The following CEP63 variants were observed in gnomAD, a reference collection of about 807,000 sequenced individuals.
CEP63 encodes the protein centrosomal protein 63.
CEP63 carries 84 observed loss-of-function variants against 89.1 expected under a neutral mutation model. The observed-to-expected ratio is 0.94, with a 90% CI of 0.79 to 1.13. CEP63 has a LOEUF of 1.13. Ranked by LOEUF, CEP63 falls within the 50% of genes most tolerant of loss-of-function variation. The pLI is 0.00. For missense variants in CEP63, 838 were observed against 813.3 expected, an observed-to-expected ratio of 1.03 and a Z score of -0.37; for synonymous variants, 267 against 272.5, an observed-to-expected ratio of 0.98 and a Z score of 0.20.
At chr3:134,764,367 C>T in the CEP63 span, among the ~76,000 whole-genome samples, 6 of 152,280 alleles carry the variant, frequency 3.9e-5, no homozygotes, top group African/African-American at 1.4e-4. Flanking sequence ...CAGTTCTTTG[C>T]CTCACAGTGT....
the CEP63 span, among the ~76,000 whole-genome samples, chr3:134,771,317 A>G: frequency 6.6e-6 from 1 of 152,246 alleles, no homozygotes; most frequent in Non-Finnish European, 1.5e-5. Flanking sequence ...AGGGACATGG[A>G]TGAAGCTAGA....
At position 134,550,093 on chromosome 3, in the gene CEP63, A is replaced by C. The variant is rs765028780; in HGVS notation, c.1213A>C (p.Ser405Arg). 4 of 1,614,012 alleles carry C rather than the reference A, an allele frequency of 2.5e-6. No individual in the cohort carries two copies. In the South Asian group the frequency reaches 4.4e-5, roughly 18 times the overall value. The change falls in exon 11 of 15, where the codon AGT becomes CGT. Residue 405 changes from serine to arginine, a missense_variant. By Grantham distance (110) the Ser-to-Arg change is moderately radical. Transcript: ENST00000675561. ...AGAACAGATTTTACAGGGTGAACAA[A>C]GTTACAGTTCTGCACTAGAAGGAAT... Reference protein sequence around the residue: ...LKEQILQGEQSYSSALEGMKM... With the variant: ...LKEQILQGEQRYSSALEGMKM...
intron 2 of CEP63, among the ~76,000 whole-genome samples, chr3:134,496,434 G>GT (rs1232096020): frequency 4.6e-5 from 1 of 21,840 alleles, no homozygotes; most frequent in African/African-American, 9.0e-5. Context: ...AAAAAAAAGG[G>GT]GGGGGGGGCT....
At chr3:134,715,988 T>TTA in the CEP63 span, among the ~76,000 whole-genome samples, 1 of 152,084 alleles carries the variant, frequency 6.6e-6, no homozygotes, top group Non-Finnish European at 1.5e-5. Context: ...CTTTTTTTTT[T>TTA]ATCACTATTA....
rs982154151 is a variant in CEP63, at chr3:134,486,086, G to C, written c.-142G>C. 7 of 985,372 alleles carry C rather than the reference G, an allele frequency of 7.1e-6. No individual in the cohort carries two copies. In the African/African-American group the frequency reaches 1.2e-4, roughly 17 times the overall value. 61.0% of individuals were successfully genotyped at this position (985,372 alleles called of 1,614,324 possible). Reference sequence around the variant, plus strand: ...ATTTGCTCGCGTGCAGGGGAAGTCTGGAGAAGGCATTGTTTCAATTATTAA... The same window carrying C: ...ATTTGCTCGCGTGCAGGGGAAGTCTCGAGAAGGCATTGTTTCAATTATTAA... On this transcript the variant is annotated 5_prime_UTR_variant, in exon 1 of 15. Coordinates refer to ENST00000675561, the MANE Select transcript of CEP63 (RefSeq NM_001353108.3).
At chr3:134,740,053 C>T in the CEP63 span, among the ~76,000 whole-genome samples, 1 of 152,130 alleles carries the variant, frequency 6.6e-6, no homozygotes, top group Non-Finnish European at 1.5e-5. Context: ...AGATTGCTGT[C>T]TCCTGGGCTA....
chr3:134,749,759 G>T, the CEP63 span, among the ~76,000 whole-genome samples: 1 of 132,660 alleles, frequency 7.5e-6, no homozygotes, highest in East Asian at 2.3e-4. Flanking sequence ...GGAAGGTAAA[G>T]TGGGATGATA....
At position 134,537,237 on chromosome 3, in the gene CEP63, AG is replaced by A; in HGVS notation, c.526del (p.Ala176LeufsTer8). On this transcript the variant is annotated frameshift_variant, in exon 6 of 15. Transcript: ENST00000675561. LOFTEE classifies it high-confidence loss of function. ...GTATCTTCACTGGAGGCACAAAGGA[AG>A]GCTCTGGCTGAACAATCAGAGATAA... is the stretch of plus-strand genomic sequence containing the variant. ...QQVSSLEAQR[K>X]ALAEQSEIIQ... 1 of 1,612,924 alleles carries A rather than the reference AG, an allele frequency of 6.2e-7. No homozygotes were observed. Among genetic ancestry groups the A allele is most frequent in the South Asian group, 1.1e-5 (1 of 91,050 alleles).
At chr3:134,542,132 A>C (rs960936082) in intron 6 of CEP63, among the ~76,000 whole-genome samples, 1 of 152,230 alleles carries the variant, frequency 6.6e-6, no homozygotes, top group African/African-American at 2.4e-5. Flanking sequence ...ATGTGAAAAA[A>C]GTAGAGGTTG....
intron 1 of CEP63, chr3:134,488,084 G>C (rs1210694230): frequency 2.0e-5 from 3 of 152,262 alleles, no homozygotes; most frequent in African/African-American, 7.2e-5. Context: ...AGGCTACAGA[G>C]CAGGAGGTGA....
At chr3:134,513,426 T>A (rs902664448) in intron 3 of CEP63, among the ~76,000 whole-genome samples, 9 of 152,168 alleles carry the variant, frequency 5.9e-5, no homozygotes, top group African/African-American at 1.9e-4. Context: ...TAATGGCAGA[T>A]TAGGTAATTT....
the CEP63 span, among the ~76,000 whole-genome samples, chr3:134,638,376 ACC>A: frequency 6.6e-6 from 1 of 152,168 alleles, no homozygotes; most frequent in South Asian, 2.1e-4. Context: ...TCAGATCTAA[ACC>A]CTAAGTACAG....
the CEP63 span, among the ~76,000 whole-genome samples, chr3:134,773,356 T>C: frequency 6.6e-6 from 1 of 152,180 alleles, no homozygotes; most frequent in African/African-American, 2.4e-5. Context: ...CCGTCTATTA[T>C]AGCATGGCTG....
downstream of CEP63, among the ~76,000 whole-genome samples, chr3:134,589,045 A>C (rs555021033): frequency 6.6e-6 from 1 of 152,352 alleles, no homozygotes; most frequent in East Asian, 1.9e-4. Context: ...AATAATTTTA[A>C]AACTGATCCT....
At chr3:134,681,855 AT>A in the CEP63 span, among the ~76,000 whole-genome samples, 1 of 152,186 alleles carries the variant, frequency 6.6e-6, no homozygotes, top group African/African-American at 2.4e-5. Flanking sequence ...ATCTTATAAT[AT>A]TTGAAGAAAC....
At position 134,562,148 on chromosome 3, in the gene CEP63, A is replaced by G. The variant is rs981650165; in HGVS notation, c.*613A>G. ...AGGAGAGAGGCAGGGAGGGCAAGGG[A>G]CTGGCTGTCATGCACGGTGCCCATG... On this transcript the variant is annotated 3_prime_UTR_variant, in exon 15 of 15. Transcript: ENST00000675561. The G allele has an allele frequency of 1.0e-6, 1 of 987,970 alleles. No homozygotes were observed. Among genetic ancestry groups the G allele is most frequent in the African/African-American group, 1.7e-5 (1 of 57,246 alleles). The allele number at this position is 987,970 out of a possible 1,614,324, so 61.2% of individuals were successfully genotyped here.
chr3:134,500,013 A>C (rs375121746), intron 2 of CEP63, among the ~76,000 whole-genome samples: 1 of 151,456 alleles, frequency 6.6e-6, no homozygotes. Flanking sequence ...TTTGGTAGAG[A>C]TGGGATTTCG....
chr3:134,670,846 C>T, the CEP63 span, among the ~76,000 whole-genome samples: 87 of 152,162 alleles, frequency 5.7e-4, no homozygotes, highest in Admixed American at 4.6e-4. Context: ...AGTTACAATG[C>T]ACTAGATCTA....
At chr3:134,615,705 A>C in the CEP63 span, among the ~76,000 whole-genome samples, 4 of 150,510 alleles carry the variant, frequency 2.7e-5, no homozygotes, top group Non-Finnish European at 5.9e-5. Flanking sequence ...GGCCTTATAC[A>C]CCAGCATCAG....
Sources: allele counts gnomAD v4.1 joint callset (sites outside exome capture counted in the v4.1 genomes callset), GRCh38; gene constraint gnomAD v4.1.1; transcripts MANE v1.5; gene names NCBI Gene and HGNC (gene_info 2026-07-23, HGNC 2026-07-21).